The following LRRFIP1 variants were observed in gnomAD, a reference collection of about 807,000 sequenced individuals.
LRRFIP1 encodes the protein leucine-rich repeat flightless-interacting protein 1.
A neutral mutation model predicts 104.4 loss-of-function variants in LRRFIP1; 62 were observed. The observed-to-expected ratio is 0.59, with a 90% CI of 0.48 to 0.73. The LOEUF is 0.73. Ranked by LOEUF, LRRFIP1 falls within the 30% of genes least tolerant of loss-of-function variation. The pLI, the probability that LRRFIP1 is intolerant of heterozygous loss-of-function variation, is 0.00. For synonymous variants in LRRFIP1, 300 were observed against 299.0 expected (o/e 1.00, Z -0.03); for missense variants, 796 against 824.5 (o/e 0.97, Z 0.42).
intron 8 of LRRFIP1, 73 bp downstream of exon 8, chr2:237,728,008 T>C: frequency 3.7e-6 from 4 of 1,095,112 alleles, no homozygotes; most frequent in South Asian, 3.0e-5. Context: ...AAAAACTAAT[T>C]GCTAAATTTA....
intron 11 of LRRFIP1, among the ~76,000 whole-genome samples, chr2:237,746,591 CAGTT>C (rs571336088): frequency 6.6e-6 from 1 of 152,136 alleles, no homozygotes; most frequent in Non-Finnish European, 1.5e-5. Context: ...TCCAAGTACA[CAGTT>C]AGGCTGATGT....
At chr2:237,734,888 A>G (rs10189573) in intron 9 of LRRFIP1, among the ~76,000 whole-genome samples, 3,319 of 152,342 alleles carry the variant, frequency 0.022, 92 homozygotes, top group East Asian at 0.073. Flanking sequence ...GTCACTTCAC[A>G]TAAGAGTAAT....
At chr2:237,716,833 C>T (rs1407321930) in intron 3 of LRRFIP1, among the ~76,000 whole-genome samples, 1 of 152,176 alleles carries the variant, frequency 6.6e-6, no homozygotes, top group Non-Finnish European at 1.5e-5. Flanking sequence ...GATTGAGTGG[C>T]AGCAGTAGCC....
intron 2 of LRRFIP1, among the ~76,000 whole-genome samples, chr2:237,709,228 G>T (rs1050364601): frequency 6.6e-6 from 1 of 152,164 alleles, no homozygotes; most frequent in Non-Finnish European, 1.5e-5. Context: ...TCTTGAGCTG[G>T]AGCTAGGAGT....
chr2:237,694,612 C>T (rs1166980935), intron 1 of LRRFIP1, among the ~76,000 whole-genome samples: 10 of 152,120 alleles, frequency 6.6e-5, no homozygotes, highest in African/African-American at 2.2e-4. Context: ...GGATGGGTCT[C>T]CTGCGGAAAG....
At chr2:237,636,412 C>T (rs1312277413) in intron 1 of LRRFIP1, among the ~76,000 whole-genome samples, 5 of 147,206 alleles carry the variant, frequency 3.4e-5, no homozygotes, top group Admixed American at 6.8e-5. Flanking sequence ...ACTTTACCAT[C>T]CACTCCCTCT....
At chr2:237,637,565 TA>T (rs2083291038) in intron 1 of LRRFIP1, among the ~76,000 whole-genome samples, 1 of 152,172 alleles carries the variant, frequency 6.6e-6, no homozygotes, top group Admixed American at 6.5e-5. Flanking sequence ...ATAAAACAAA[TA>T]AAATACCTGG....
chr2:237,731,502 A>G (rs892562), intron 8 of LRRFIP1, among the ~76,000 whole-genome samples: 45,879 of 151,378 alleles, frequency 0.3, 8,396 homozygotes, highest in African/African-American at 0.51. Flanking sequence ...CTGTCCCCCA[A>G]TATGTGAATT....
At chr2:237,748,698 G>C (rs1314449818) in intron 12 of LRRFIP1, among the ~76,000 whole-genome samples, 2 of 152,140 alleles carry the variant, frequency 1.3e-5, no homozygotes, top group Admixed American at 1.3e-4. Context: ...CCTCCTTACA[G>C]TTTACTATAA....
intron 1 of LRRFIP1, among the ~76,000 whole-genome samples, chr2:237,639,047 T>C (rs1304585839): frequency 6.6e-6 from 1 of 152,164 alleles, no homozygotes; most frequent in Non-Finnish European, 1.5e-5. Context: ...GGGGCAGTCA[T>C]GGTAAAGAGC....
rs375430410 is a variant in LRRFIP1, at chr2:237,667,775, C to T, written c.96+40035C>T. Reference sequence around the variant, plus strand: ...GGATCCTGACGTGAAATGGCCTAACCAGGGTGGAGTGGCAGTTGTGTTCCC... The same window carrying T: ...GGATCCTGACGTGAAATGGCCTAACTAGGGTGGAGTGGCAGTTGTGTTCCC... On this transcript the variant is annotated intron_variant, in intron 1 of 23. Transcript: ENST00000308482. Among the ~76,000 whole-genome samples, 80 of 152,116 alleles carry T rather than the reference C, an allele frequency of 5.3e-4. 1 individual carries two copies. The highest frequency in any genetic ancestry group is 2.9e-3 in the Admixed American group (44 of 15,278).
Position 237,719,568 on chromosome 2 carries a change from G to T in LRRFIP1, c.294+1G>T. ...TCGTAGATCCAGAAGAAACACATCG[G>T]TTAGTACCGTGTTCATTCATTACTT... On this transcript the variant is annotated splice_donor_variant, in intron 5 of 23. Transcript: ENST00000308482. LOFTEE classifies it high-confidence loss of function. 2 of 1,611,838 alleles carry T rather than the reference G, an allele frequency of 1.2e-6. No individual in the cohort carries two copies. Among genetic ancestry groups the T allele is most frequent in the Non-Finnish European group, 1.7e-6 (2 of 1,178,446 alleles).
intron 12 of LRRFIP1, among the ~76,000 whole-genome samples, chr2:237,748,963 C>T (rs977101256): frequency 1.3e-5 from 2 of 152,082 alleles, no homozygotes; most frequent in African/African-American, 2.4e-5. Context: ...CTTCACAAGG[C>T]GACAGGAGAG....
chr2:237,650,822 C>T (rs899365521), intron 1 of LRRFIP1, among the ~76,000 whole-genome samples: 3 of 152,134 alleles, frequency 2.0e-5, no homozygotes, highest in Admixed American at 1.3e-4. Context: ...AAGATGGTCC[C>T]GGGGTTTTCC....
At chr2:237,728,862 C>T (rs750593946) in intron 8 of LRRFIP1, among the ~76,000 whole-genome samples, 1 of 152,192 alleles carries the variant, frequency 6.6e-6, no homozygotes, top group African/African-American at 2.4e-5. Context: ...CTTTCTGAAA[C>T]CAGCTGATCA....
chr2:237,651,762 T>G (rs2085975777), intron 1 of LRRFIP1, among the ~76,000 whole-genome samples: 2 of 152,278 alleles, frequency 1.3e-5, no homozygotes, highest in African/African-American at 4.8e-5. Context: ...TCTATTTTAA[T>G]AATATATTTT....
rs919396093 is a variant in LRRFIP1, at chr2:237,707,773, G to A, written c.97-771G>A. Among the ~76,000 whole-genome samples the A allele has an allele frequency of 6.6e-5, 10 of 152,214 alleles. No homozygotes were observed. The East Asian group carries it at 1.5e-3, about 23-fold the overall frequency. On this transcript the variant is annotated intron_variant, in intron 1 of 23. Coordinates refer to ENST00000308482, the MANE Select transcript of LRRFIP1 (RefSeq NM_001137550.2). Reference sequence around the variant, plus strand: ...CCATTCCTGCTCAAGCATTTGAAACGTTCTCACGGAGCAGAATGTGGCAGA... The same window carrying A: ...CCATTCCTGCTCAAGCATTTGAAACATTCTCACGGAGCAGAATGTGGCAGA...
intron 1 of LRRFIP1, chr2:237,692,535 G>A (rs1173466199): frequency 3.3e-6 from 5 of 1,505,088 alleles, no homozygotes; most frequent in African/African-American, 1.4e-5. Context: ...AGAGGAAAGC[G>A]CTTCCGAAAC....
intron 3 of LRRFIP1, among the ~76,000 whole-genome samples, chr2:237,714,984 C>T (rs2094269167): frequency 6.6e-6 from 1 of 152,226 alleles, no homozygotes. Context: ...ATACTTAAAA[C>T]ATCTGTGATA....
Sources: gnomAD v4.1 joint callset for allele counts (sites outside exome capture counted in the v4.1 genomes callset) on GRCh38, gnomAD v4.1.1 for gene constraint, MANE v1.5 for transcripts, NCBI Gene and HGNC (gene_info 2026-07-23, HGNC 2026-07-21) for gene names.